DRD2: variants seen among roughly 807,000 people sequenced by gnomAD.
The protein encoded by DRD2 is D(2) dopamine receptor.
DRD2 carries 8 observed loss-of-function variants against 38.0 expected under a neutral mutation model. The ratio of observed to expected loss-of-function variants is 0.21; its 90% confidence interval spans 0.12 to 0.38. The LOEUF is 0.38. DRD2 is among the 10% of genes least tolerant of loss of function. DRD2 has a pLI of 1.00. For missense variants in DRD2, 403 were observed against 607.7 expected (o/e 0.66, Z 3.54); for synonymous variants, 230 against 238.6 (o/e 0.96, Z 0.33).
chr11:113,466,778 G>C (rs563229491), intron 1 of DRD2, among the ~76,000 whole-genome samples: 11 of 152,174 alleles, frequency 7.2e-5, no homozygotes, highest in Non-Finnish European at 1.6e-4. Context: ...TAACTACCAA[G>C]TGCCTAGCAC....
chr11:113,422,055 G>A (rs967136372), intron 2 of DRD2, among the ~76,000 whole-genome samples: 3 of 152,138 alleles, frequency 2.0e-5, no homozygotes, highest in African/African-American at 4.8e-5. Flanking sequence ...CCAAGTGCCT[G>A]GGTAGGGACA....
chr11:113,435,871 T>C (rs1951031269), intron 1 of DRD2, among the ~76,000 whole-genome samples: 1 of 152,206 alleles, frequency 6.6e-6, no homozygotes, highest in Non-Finnish European at 1.5e-5. Flanking sequence ...GAAAGTCAAT[T>C]GGGAGACAAA....
intron 1 of DRD2, among the ~76,000 whole-genome samples, chr11:113,438,194 G>A (rs918179625): frequency 4.7e-5 from 7 of 149,508 alleles, no homozygotes; most frequent in African/African-American, 1.7e-4. Flanking sequence ...TATTTTTATT[G>A]TTTTTTTTTT....
At chr11:113,471,401 T>C (rs1156820003) in intron 1 of DRD2, among the ~76,000 whole-genome samples, 1 of 152,190 alleles carries the variant, frequency 6.6e-6, no homozygotes, top group Non-Finnish European at 1.5e-5. Flanking sequence ...CTCCATGGTA[T>C]ATTCTGGAGA....
chr11:113,465,571 C>G lies in DRD2; in HGVS notation c.-32+9505G>C, dbSNP rs565743292. 1.2e-4 allele frequency among the ~76,000 whole-genome samples: 19 copies of G among 152,290 alleles called. No homozygotes were observed. In the East Asian group the frequency reaches 3.5e-3, roughly 28 times the overall value. On this transcript the variant is annotated intron_variant, in intron 1 of 7. Transcript: ENST00000362072. ...GACTTCAAGGTTCATAGTCAGGCCCCTGCCTAAGCCTTTGGCCTTACCTTG... is the reference window on the plus strand; with the variant it reads ...GACTTCAAGGTTCATAGTCAGGCCCGTGCCTAAGCCTTTGGCCTTACCTTG...
chr11:113,418,599 G>T (rs998386686), intron 2 of DRD2, among the ~76,000 whole-genome samples: 9 of 152,174 alleles, frequency 5.9e-5, no homozygotes, highest in Non-Finnish European at 2.9e-5. Flanking sequence ...GTTAATTCCT[G>T]AAGACAGAAA....
chr11:113,458,485 G>A (rs1951287815), intron 1 of DRD2, among the ~76,000 whole-genome samples: 1 of 152,190 alleles, frequency 6.6e-6, no homozygotes, highest in South Asian at 2.1e-4. Context: ...GGATCACCCT[G>A]GCACTGGCAT....
chr11:113,429,107 G>A (rs7131627), intron 1 of DRD2, among the ~76,000 whole-genome samples: 66,141 of 152,022 alleles, frequency 0.44, 17,039 homozygotes, highest in Non-Finnish European at 0.6. Context: ...GGTTGTTCTC[G>A]TTGCTTTTTG....
At chr11:113,452,425 G>A (rs912763041) in intron 1 of DRD2, among the ~76,000 whole-genome samples, 10 of 145,298 alleles carry the variant, frequency 6.9e-5, no homozygotes, top group African/African-American at 2.3e-4. Flanking sequence ...TAGGGCCACT[G>A]GTGTGCATGC....
intron 1 of DRD2, among the ~76,000 whole-genome samples, chr11:113,451,312 A>G (rs374235704): frequency 6.6e-6 from 1 of 152,184 alleles, no homozygotes; most frequent in South Asian, 2.1e-4. Context: ...AGATGCTAAC[A>G]GTTAGAAAAG....
intron 1 of DRD2, among the ~76,000 whole-genome samples, chr11:113,439,565 C>T (rs1163284871): frequency 6.6e-6 from 1 of 151,970 alleles, no homozygotes; most frequent in African/African-American, 2.4e-5. Context: ...CAGGGCTGGG[C>T]ATGGTAGCTC....
intron 1 of DRD2, among the ~76,000 whole-genome samples, chr11:113,444,238 T>C (rs1951120100): frequency 6.6e-6 from 1 of 152,190 alleles, no homozygotes; most frequent in African/African-American, 2.4e-5. Flanking sequence ...GGTTTCACCA[T>C]GTTGACCAGG....
intron 7 of DRD2, among the ~76,000 whole-genome samples, chr11:113,411,368 G>T (rs1124491): frequency 6.6e-6 from 1 of 151,948 alleles, no homozygotes; most frequent in Admixed American, 6.5e-5. Flanking sequence ...CTTGAGCAGC[G>T]AGGCTGAGAG....
chr11:113,411,032 A>T, intron 7 of DRD2, 112 bp from the exon 8 acceptor site: 1 of 1,191,768 alleles, frequency 8.4e-7, no homozygotes, highest in South Asian at 1.5e-5. Flanking sequence ...CTGTAGCCAC[A>T]GAAGCACTGT....
chr11:113,436,309 T>A lies in DRD2; in HGVS notation c.-31-11627A>T, dbSNP rs116274517. On this transcript the variant is annotated intron_variant, in intron 1 of 7. Coordinates refer to ENST00000362072, the MANE Select transcript of DRD2 (RefSeq NM_000795.4). Reference sequence around the variant, plus strand: ...CAAATGACCCAGTTTCTTCCAAAAATAAATTGCAAAGAAAAAAAAGAGAGA... The same window carrying A: ...CAAATGACCCAGTTTCTTCCAAAAAAAAATTGCAAAGAAAAAAAAGAGAGA... Among the ~76,000 whole-genome samples the A allele has an allele frequency of 8.7e-3, 1,315 of 152,000 alleles. 14 individuals carry two copies. The highest frequency in any genetic ancestry group is 0.03 in the African/African-American group (1,243 of 41,460).
chr11:113,455,604 C>G (rs1202108431), intron 1 of DRD2, among the ~76,000 whole-genome samples: 1 of 152,080 alleles, frequency 6.6e-6, no homozygotes, highest in East Asian at 1.9e-4. Flanking sequence ...AAAAATAACC[C>G]TGTTTAAGAA....
In DRD2 at chr11:113,418,115, T is replaced by C; in HGVS notation, c.307A>G (p.Ser103Gly). The C allele has an allele frequency of 6.2e-7, 1 of 1,614,202 alleles. No homozygotes were observed. Among genetic ancestry groups the C allele is most frequent in the Non-Finnish European group, 8.5e-7 (1 of 1,180,018 alleles). The change falls in exon 3 of 8, where the codon AGC (serine) becomes GGC (glycine). Residue 103 changes from serine (S) to glycine (G), a missense_variant. Ser to Gly is a moderately conservative substitution (Grantham distance 56, BLOSUM62 0). This residue lies in a region of DRD2 where 162 missense variants were observed against 254.5 expected (regional missense o/e 0.64). Transcript: ENST00000362072. ...YLEVVGEWKF[S>G]RIHCDIFVTL... ...ACGAAGATGTCACAGTGAATCCTGC[T>C]GAATTTCCACTCACCTACCACCTGG... is the stretch of plus-strand genomic sequence containing the variant.
intron 1 of DRD2, among the ~76,000 whole-genome samples, chr11:113,442,155 G>T (rs1413801034): frequency 6.6e-6 from 1 of 152,134 alleles, no homozygotes. Flanking sequence ...GCTTGGAAGT[G>T]GCCAGACCCC....
chr11:113,428,816 G>A (rs1371586559), intron 1 of DRD2, among the ~76,000 whole-genome samples: 3 of 152,186 alleles, frequency 2.0e-5, no homozygotes, highest in Non-Finnish European at 1.5e-5. Context: ...TGTAGAGATG[G>A]GGGTCTCACT....
Sources: allele counts gnomAD v4.1 joint callset (sites outside exome capture counted in the v4.1 genomes callset), GRCh38; gene constraint gnomAD v4.1.1; regional missense constraint gnomAD v4.1.1; transcripts MANE v1.5; gene names NCBI Gene and HGNC (gene_info 2026-07-23, HGNC 2026-07-21).